The following ENTREP2 variants were observed in gnomAD, a reference collection of about 807,000 sequenced individuals.
ENTREP2 encodes endosomal transmembrane epsin interactor 2.
the ENTREP2 span, among the ~76,000 whole-genome samples, chr15:29,263,370 G>A: frequency 1.3e-5 from 2 of 152,330 alleles, no homozygotes; most frequent in African/African-American, 4.8e-5. Flanking sequence ...TAGCTGTTAA[G>A]TGGGACAGAA....
chr15:29,513,299 A>C, the ENTREP2 span, among the ~76,000 whole-genome samples: 1 of 152,106 alleles, frequency 6.6e-6, no homozygotes, highest in African/African-American at 2.4e-5. Flanking sequence ...CCTAAAGCCA[A>C]ACACAACACA....
chr15:29,375,592 G>A, the ENTREP2 span: 1 of 152,262 alleles, frequency 6.6e-6, no homozygotes, highest in Admixed American at 6.5e-5. Flanking sequence ...AGGATCCAGA[G>A]GCACACCTTT....
the ENTREP2 span, among the ~76,000 whole-genome samples, chr15:29,159,378 A>G: frequency 1.3e-5 from 2 of 152,204 alleles, no homozygotes; most frequent in South Asian, 2.1e-4. Flanking sequence ...CGAGAGAGTG[A>G]GCAGCAGCAA....
chr15:29,365,775 T>G, the ENTREP2 span, among the ~76,000 whole-genome samples: 1 of 151,916 alleles, frequency 6.6e-6, no homozygotes, highest in East Asian at 1.9e-4. Flanking sequence ...AAGGTGCTTC[T>G]GACATTTCTG....
the ENTREP2 span, among the ~76,000 whole-genome samples, chr15:29,628,901 C>G: frequency 1.8e-4 from 27 of 152,090 alleles, no homozygotes; most frequent in African/African-American, 6.3e-4. Flanking sequence ...AAGTGGGCGC[C>G]AACACACCCG....
At chr15:29,657,350 G>A in the ENTREP2 span, among the ~76,000 whole-genome samples, 1 of 146,848 alleles carries the variant, frequency 6.8e-6, no homozygotes, top group Admixed American at 6.7e-5. Flanking sequence ...AGCTCTCAAA[G>A]ACGGCAGTGT....
At chr15:29,607,237 C>CTA in the ENTREP2 span, among the ~76,000 whole-genome samples, 1 of 150,832 alleles carries the variant, frequency 6.6e-6, no homozygotes, top group Admixed American at 6.6e-5. Flanking sequence ...TGAGGAAAAC[C>CTA]TATTATTCAT....
chr15:29,371,349 A>ACACAC, the ENTREP2 span, among the ~76,000 whole-genome samples: 3 of 133,892 alleles, frequency 2.2e-5, no homozygotes, highest in African/African-American at 8.2e-5. Context: ...CACCCCCGCA[A>ACACAC]ACACACACAC....
the ENTREP2 span, among the ~76,000 whole-genome samples, chr15:29,161,794 C>A: frequency 5.9e-5 from 9 of 152,124 alleles, no homozygotes; most frequent in Admixed American, 5.2e-4. Context: ...TAATGCAGCA[C>A]ACATAGGATC....
chr15:29,515,352 C>A, the ENTREP2 span, among the ~76,000 whole-genome samples: 2 of 152,028 alleles, frequency 1.3e-5, no homozygotes, highest in African/African-American at 4.8e-5. Context: ...GATGGATGTC[C>A]CAATTCGAGA....
chr15:29,285,166 TC>T, the ENTREP2 span, among the ~76,000 whole-genome samples: 145 of 152,316 alleles, frequency 9.5e-4, no homozygotes, highest in Non-Finnish European at 1.8e-3. Context: ...GAGTGGGGGC[TC>T]TTTAAGCTGT....
At chr15:29,596,266 T>C in the ENTREP2 span, among the ~76,000 whole-genome samples, 1 of 152,228 alleles carries the variant, frequency 6.6e-6, no homozygotes, top group East Asian at 1.9e-4. Context: ...ACCATCTGCA[T>C]CTATATTGAG....
chr15:29,505,713 G>A, the ENTREP2 span, among the ~76,000 whole-genome samples: 1 of 152,056 alleles, frequency 6.6e-6, no homozygotes, highest in South Asian at 2.1e-4. The surrounding 1 kb of genome is among the most constrained non-coding windows in gnomAD (Gnocchi z 4.3). Flanking sequence ...CAATAGCATC[G>A]ACATCAACAA....
chr15:29,428,792 A>G, the ENTREP2 span, among the ~76,000 whole-genome samples: 1 of 152,196 alleles, frequency 6.6e-6, no homozygotes, highest in Non-Finnish European at 1.5e-5. Flanking sequence ...CATCCCATTT[A>G]GAAACCAGGA....
chr15:29,642,081 C>A, the ENTREP2 span, among the ~76,000 whole-genome samples: 1 of 152,018 alleles, frequency 6.6e-6, no homozygotes, highest in Admixed American at 6.6e-5. Context: ...AAAATTAAAG[C>A]AATTCCTATC....
the ENTREP2 span, chr15:29,268,880 T>C: frequency 1.5e-5 from 25 of 1,614,160 alleles, no homozygotes; most frequent in Non-Finnish European, 1.9e-5. Flanking sequence ...GGCCAGTCCT[T>C]GGGGTCTTGA....
the ENTREP2 span, among the ~76,000 whole-genome samples, chr15:29,511,272 A>G: frequency 6.6e-6 from 1 of 152,178 alleles, no homozygotes; most frequent in African/African-American, 2.4e-5. Flanking sequence ...TCATTTTTAC[A>G]TAAGATTCCC....
chr15:29,389,703 A>G, the ENTREP2 span, among the ~76,000 whole-genome samples: 1 of 152,086 alleles, frequency 6.6e-6, no homozygotes, highest in African/African-American at 2.4e-5. Context: ...TATGGTGGAC[A>G]CTCATGCTCA....
the ENTREP2 span, among the ~76,000 whole-genome samples, chr15:29,439,977 T>C: frequency 0.015 from 2,341 of 152,240 alleles, 65 homozygotes; most frequent in African/African-American, 0.054. Context: ...GTCTTCCTCA[T>C]ATTCGTAACT....
Sources: allele counts gnomAD v4.1 joint callset (sites outside exome capture counted in the v4.1 genomes callset), GRCh38; gene constraint gnomAD v4.1.1; non-coding constraint Gnocchi (gnomAD v3.1); transcripts MANE v1.5; gene names NCBI Gene and HGNC (gene_info 2026-07-23, HGNC 2026-07-21).